EDN1: variants seen among roughly 807,000 people sequenced by gnomAD.
EDN1 encodes the protein endothelin-1.
Under a neutral mutation model 21.7 loss-of-function variants are expected in EDN1, and 11 were observed. The observed-to-expected ratio is 0.51, with a 90% CI of 0.32 to 0.84. EDN1 has a LOEUF of 0.84. Ranked by LOEUF, EDN1 falls within the 40% of genes least tolerant of loss-of-function variation. EDN1 has a pLI of 0.03. For missense variants in EDN1, 244 were observed against 262.3 expected, an observed-to-expected ratio of 0.93 and a Z score of 0.48; for synonymous variants, 85 against 90.6, an observed-to-expected ratio of 0.94 and a Z score of 0.35.
At chr6:12,292,579 A>C in intron 2 of EDN1, 70 bp downstream of exon 2, 1 of 1,585,428 alleles carries the variant, frequency 6.3e-7, no homozygotes, top group Non-Finnish European at 8.7e-7. Flanking sequence ...CCAGTTTTAG[A>C]GTTTCTTTTC....
chr6:12,238,951 T>C, the EDN1 span, among the ~76,000 whole-genome samples: 1 of 152,214 alleles, frequency 6.6e-6, no homozygotes, highest in Non-Finnish European at 1.5e-5. Flanking sequence ...GTTATATCAG[T>C]TGGGTGAGTT....
chr6:12,280,182 A>G, the EDN1 span, among the ~76,000 whole-genome samples: 1 of 152,224 alleles, frequency 6.6e-6, no homozygotes, highest in African/African-American at 2.4e-5. Context: ...TGAGTGGAAG[A>G]TATTGCAAAA....
At chr6:12,289,520 C>A (rs931800389), upstream of EDN1, among the ~76,000 whole-genome samples, 4 of 152,316 alleles carry the variant, frequency 2.6e-5, no homozygotes, top group Middle Eastern at 3.4e-3. Flanking sequence ...TCATCTCCCC[C>A]TGGTGTTCTT....
the EDN1 span, among the ~76,000 whole-genome samples, chr6:12,243,287 A>AGAG: frequency 2.4e-5 from 3 of 125,994 alleles, no homozygotes; most frequent in Non-Finnish European, 4.7e-5. Context: ...CATTGAGTAA[A>AGAG]GAGGAGGAGG....
chr6:12,252,002 G>T, the EDN1 span, among the ~76,000 whole-genome samples: 5 of 152,244 alleles, frequency 3.3e-5, no homozygotes, highest in African/African-American at 1.2e-4. Flanking sequence ...CAAAAACTTG[G>T]TGTTATATTA....
the EDN1 span, among the ~76,000 whole-genome samples, chr6:12,245,857 A>ATG: frequency 6.6e-6 from 1 of 151,940 alleles, no homozygotes; most frequent in African/African-American, 2.4e-5. Context: ...AGCTAAAGAG[A>ATG]TGGGAAGTAT....
the EDN1 span, among the ~76,000 whole-genome samples, chr6:12,252,942 A>G: frequency 6.6e-6 from 1 of 152,232 alleles, no homozygotes; most frequent in East Asian, 1.9e-4. Flanking sequence ...GAAATCACCT[A>G]TGAAGAAACT....
intron 1 of EDN1, 52 bp from the exon 2 acceptor site, chr6:12,292,287 GTC>G (rs1762702303): frequency 1.9e-6 from 3 of 1,608,232 alleles, no homozygotes; most frequent in African/African-American, 2.7e-5. Flanking sequence ...GATCCAGCAT[GTC>G]TCTCGGCGTT....
At chr6:12,285,682 T>C (rs1561690145), upstream of EDN1, among the ~76,000 whole-genome samples, 1 of 152,176 alleles carries the variant, frequency 6.6e-6, no homozygotes, top group South Asian at 2.1e-4. Flanking sequence ...ATGATTCTCC[T>C]GCCTCAGCCT....
chr6:12,232,227 T>G, the EDN1 span, among the ~76,000 whole-genome samples: 1 of 147,782 alleles, frequency 6.8e-6, no homozygotes, highest in African/African-American at 2.5e-5. Flanking sequence ...TATGTTATAA[T>G]TTTATATAAT....
Position 12,296,680 on chromosome 6 carries a change from A to G in EDN1, c.*613A>G, listed in dbSNP as rs1762834151. The G allele has an allele frequency of 6.5e-6, 1 of 153,560 alleles. No homozygotes were observed. Among genetic ancestry groups the G allele is most frequent in the Admixed American group, 6.4e-5 (1 of 15,586 alleles). 9.5% of individuals were successfully genotyped at this position (153,560 alleles called of 1,614,324 possible). A position where few individuals can be genotyped will look rare whatever the true frequency, so the allele number is the denominator to read the frequency against. ...GCACTCTGGCAGAAGTATTTCCCAC[A>G]TTTAATTATTGCCTCCCCAAACTCT... On this transcript the variant is annotated 3_prime_UTR_variant, in exon 5 of 5. Transcript: ENST00000379375.
At chr6:12,238,090 T>A in the EDN1 span, among the ~76,000 whole-genome samples, 2 of 147,410 alleles carry the variant, frequency 1.4e-5, no homozygotes, top group African/African-American at 5.0e-5. Flanking sequence ...GAGAATCACT[T>A]GAACCCGGGA....
At chr6:12,279,449 T>C in the EDN1 span, among the ~76,000 whole-genome samples, 68 of 152,104 alleles carry the variant, frequency 4.5e-4, 1 homozygote, top group East Asian at 0.013. Context: ...GAAGATGAAG[T>C]GTTGAGATGG....
the EDN1 span, among the ~76,000 whole-genome samples, chr6:12,279,485 A>G: frequency 6.6e-6 from 1 of 152,238 alleles, no homozygotes; most frequent in African/African-American, 2.4e-5. Context: ...CTCAGCCAAG[A>G]CAGGAGCTGG....
chr6:12,269,633 T>C, the EDN1 span, among the ~76,000 whole-genome samples: 2 of 152,088 alleles, frequency 1.3e-5, no homozygotes, highest in East Asian at 1.9e-4. Context: ...TGCTGAACCA[T>C]CCTTGAGTCC....
chr6:12,262,453 C>G, the EDN1 span, among the ~76,000 whole-genome samples: 1 of 151,712 alleles, frequency 6.6e-6, no homozygotes. Context: ...AGATCTCACT[C>G]CCTTGCTGAA....
the EDN1 span, among the ~76,000 whole-genome samples, chr6:12,243,420 T>C: frequency 2.6e-5 from 4 of 151,796 alleles, no homozygotes; most frequent in Admixed American, 2.6e-4. Flanking sequence ...GCAGGCACAC[T>C]GGGGGTAACT....
At chr6:12,261,316 G>C in the EDN1 span, among the ~76,000 whole-genome samples, 1 of 152,204 alleles carries the variant, frequency 6.6e-6, no homozygotes, top group Non-Finnish European at 1.5e-5. Flanking sequence ...AGCCAACAGA[G>C]TCTGCTTTCA....
At chr6:12,253,927 CT>C in the EDN1 span, among the ~76,000 whole-genome samples, 1 of 152,096 alleles carries the variant, frequency 6.6e-6, no homozygotes, top group Non-Finnish European at 1.5e-5. Context: ...ATCTCCTTCC[CT>C]TTGTGCTTTC....
Sources: gnomAD v4.1 joint callset for allele counts (sites outside exome capture counted in the v4.1 genomes callset) on GRCh38, gnomAD v4.1.1 for gene constraint, MANE v1.5 for transcripts, NCBI Gene and HGNC (gene_info 2026-07-23, HGNC 2026-07-21) for gene names.